The following FAM13C variants were observed in gnomAD, a reference collection of about 807,000 sequenced individuals.
FAM13C encodes family with sequence similarity 13 member C, also known as protein FAM13C.
In FAM13C, 37 loss-of-function variants were observed where a neutral mutation model predicts 73.2. That is an observed-to-expected ratio of 0.51 (90% CI 0.39 to 0.67). FAM13C has a LOEUF of 0.67. FAM13C is among the 30% of genes least tolerant of loss of function. FAM13C has a pLI of 0.00. For missense variants in FAM13C, 589 were observed against 715.6 expected (o/e 0.82, Z 2.02); for synonymous variants, 246 against 260.9 (o/e 0.94, Z 0.55).
chr10:59,348,108 A>G (rs1854554328), intron 3 of FAM13C, among the ~76,000 whole-genome samples: 1 of 152,210 alleles, frequency 6.6e-6, no homozygotes, highest in Admixed American at 6.5e-5. Flanking sequence ...AAGAACCCCA[A>G]TATGGCAGTA....
intron 4 of FAM13C, among the ~76,000 whole-genome samples, chr10:59,306,308 CT>C (rs1156400238): frequency 2.6e-5 from 4 of 152,168 alleles, no homozygotes; most frequent in Non-Finnish European, 2.9e-5. Context: ...CTCACATGAT[CT>C]TCCAAGGAAA....
At chr10:59,265,328 G>GCGGGGA (rs1347041834) in intron 8 of FAM13C, among the ~76,000 whole-genome samples, 1 of 48,914 alleles carries the variant, frequency 2.0e-5, no homozygotes, top group Non-Finnish European at 4.6e-5. Flanking sequence ...TTGGCGGGGG[G>GCGGGGA]GGGGGGGAAT....
intron 2 of FAM13C, 132 bp downstream of exon 2, chr10:59,355,755 T>C (rs902185828): frequency 2.2e-5 from 21 of 935,502 alleles, no homozygotes. Flanking sequence ...GAGGTAAAAA[T>C]CTAGTAGAAG....
intron 10 of FAM13C, among the ~76,000 whole-genome samples, chr10:59,256,922 T>C (rs1841998590): frequency 6.6e-6 from 1 of 152,202 alleles, no homozygotes; most frequent in South Asian, 2.1e-4. Flanking sequence ...CCTTCCTCCC[T>C]AATTCTATAG....
chr10:59,362,792 T>A (rs2132255705), upstream of FAM13C: 1 of 385,870 alleles, frequency 2.6e-6, no homozygotes, highest in Non-Finnish European at 4.6e-6. Flanking sequence ...AATCTTGGGC[T>A]CTTTGTGCCA....
chr10:59,338,392 T>A (rs577486999), intron 3 of FAM13C, among the ~76,000 whole-genome samples: 10 of 152,138 alleles, frequency 6.6e-5, no homozygotes, highest in Non-Finnish European at 1.3e-4. Context: ...CACCCTCCAA[T>A]GTCGGTTGTT....
chr10:59,287,435 A>G (rs1056387814), intron 5 of FAM13C, among the ~76,000 whole-genome samples: 1 of 152,000 alleles, frequency 6.6e-6, no homozygotes, highest in Non-Finnish European at 1.5e-5. Context: ...GTAAAGTAAA[A>G]AGAAAGGCTA....
At chr10:59,328,113 T>A (rs1851428173) in intron 3 of FAM13C, among the ~76,000 whole-genome samples, 1 of 152,172 alleles carries the variant, frequency 6.6e-6, no homozygotes, top group Non-Finnish European at 1.5e-5. Flanking sequence ...CTCAGTGGGG[T>A]GATTTGTTGG....
chr10:59,334,667 C>T (rs1173716864), intron 3 of FAM13C, among the ~76,000 whole-genome samples: 1 of 150,260 alleles, frequency 6.7e-6, no homozygotes, highest in Non-Finnish European at 1.5e-5. Context: ...GACAAAAAAA[C>T]CAAACACTGC....
intron 2 of FAM13C, among the ~76,000 whole-genome samples, chr10:59,354,022 T>G (rs1346081087): frequency 1.3e-5 from 2 of 152,162 alleles, no homozygotes; most frequent in Non-Finnish European, 2.9e-5. Context: ...TAGAAACCCA[T>G]CCACTCCATG....
chr10:59,284,454 G>C (rs1845312080), intron 5 of FAM13C, among the ~76,000 whole-genome samples: 1 of 151,686 alleles, frequency 6.6e-6, no homozygotes, highest in Admixed American at 6.6e-5. Flanking sequence ...TTCCCTGCTA[G>C]GACCCTCCAA....
Position 59,254,446 on chromosome 10 carries a change from G to GA in FAM13C, c.1237-4dup. 2 of 1,455,546 alleles carry GA rather than the reference G, an allele frequency of 1.4e-6. No homozygotes were observed. Among genetic ancestry groups the GA allele is most frequent in the Non-Finnish European group, 9.2e-7 (1 of 1,092,858 alleles). 90.2% of individuals were successfully genotyped at this position (1,455,546 alleles called of 1,614,324 possible). Reference sequence around the variant, plus strand: ...AGGTTCTTGTCTTGCTTAGTTACCTGAAAAACATGAAATTAATTATTATTC... The same window carrying GA: ...AGGTTCTTGTCTTGCTTAGTTACCTGAAAAAACATGAAATTAATTATTATTC... On this transcript the variant is annotated splice_polypyrimidine_tract_variant and splice_region_variant and intron_variant, in intron 10 of 13. Transcript: ENST00000618804.
chr10:59,321,858 T>A (rs1483128327), intron 4 of FAM13C, among the ~76,000 whole-genome samples: 1 of 152,156 alleles, frequency 6.6e-6, no homozygotes, highest in Non-Finnish European at 1.5e-5. Context: ...GGTGGCCTCT[T>A]GCTACAGAGA....
At chr10:59,341,020 G>A (rs1439571448) in intron 3 of FAM13C, among the ~76,000 whole-genome samples, 1 of 152,096 alleles carries the variant, frequency 6.6e-6, no homozygotes, top group Non-Finnish European at 1.5e-5. Context: ...AAACCTGACA[G>A]AGGGAAGAGG....
intron 1 of FAM13C, among the ~76,000 whole-genome samples, chr10:59,358,830 A>C (rs368082118): frequency 6.6e-6 from 1 of 152,218 alleles, no homozygotes; most frequent in South Asian, 2.1e-4. Flanking sequence ...TCCAATATTC[A>C]TGTCTACTAA....
chr10:59,324,152 A>T (rs764583174), intron 3 of FAM13C, 46 bp from the exon 4 acceptor site: 5 of 1,457,346 alleles, frequency 3.4e-6, no homozygotes, highest in Non-Finnish European at 4.8e-6. Context: ...AACAGCAATC[A>T]GTTCCATAGC....
intron 7 of FAM13C, 106 bp downstream of exon 7, chr10:59,269,793 T>C: frequency 7.5e-7 from 1 of 1,329,320 alleles, no homozygotes; most frequent in Non-Finnish European, 1.0e-6. Context: ...GCAGTTGCGT[T>C]AGGCAGGCAC....
intron 8 of FAM13C, among the ~76,000 whole-genome samples, chr10:59,267,779 C>CTGTT: frequency 6.6e-6 from 1 of 152,130 alleles, no homozygotes; most frequent in Non-Finnish European, 1.5e-5. Flanking sequence ...AGATTATTCC[C>CTGTT]TGTTCTCTTT....
Position 59,246,401 on chromosome 10 carries a change from T to C in FAM13C, c.*1213A>G, listed in dbSNP as rs1840712306. The C allele has an allele frequency of 3.0e-6, 1 of 332,980 alleles. No homozygotes were observed. The highest frequency in any genetic ancestry group is 4.5e-5 in the East Asian group (1 of 22,390). The allele number at this position is 332,980 out of a possible 1,614,324, so 20.6% of individuals were successfully genotyped here. On this transcript the variant is annotated 3_prime_UTR_variant, in exon 14 of 14. Transcript: ENST00000618804. ...CAGAGAAAACAATAAGCCTCTGAAA[T>C]AAGTCTGTTTCTGAAATAGTCAATA...
Sources: allele counts gnomAD v4.1 joint callset (sites outside exome capture counted in the v4.1 genomes callset), GRCh38; gene constraint gnomAD v4.1.1; transcripts MANE v1.5; gene names NCBI Gene and HGNC (gene_info 2026-07-23, HGNC 2026-07-21).